Variants in CUL9 observed in about 807,000 individuals in gnomAD.
The protein encoded by CUL9 is cullin 9.
CUL9 carries 79 observed loss-of-function variants against 272.6 expected under a neutral mutation model. The observed-to-expected ratio is 0.29, with a 90% confidence interval of 0.24 to 0.35. The LOEUF (loss-of-function observed/expected upper bound fraction) is 0.35. Ranked by LOEUF, CUL9 falls within the 10% of genes least tolerant of loss-of-function variation. The pLI is 1.00. For missense variants in CUL9, 2,532 were observed against 3,255.6 expected (o/e 0.78, Z 5.41); for synonymous variants, 1,186 against 1,286.5 (o/e 0.92, Z 1.67).
intron 9 of CUL9, among the ~76,000 whole-genome samples, chr6:43,193,607 C>T (rs866581627): frequency 5.3e-5 from 8 of 151,962 alleles, no homozygotes; most frequent in Non-Finnish European, 8.8e-5. Flanking sequence ...AGTGCAGTGG[C>T]GCTATCTCGG....
At chr6:43,185,139 C>T (rs996462033) in intron 2 of CUL9, among the ~76,000 whole-genome samples, 4 of 152,256 alleles carry the variant, frequency 2.6e-5, no homozygotes, top group East Asian at 1.9e-4. Context: ...GAGAATAGGA[C>T]TTATCTGTAT....
At chr6:43,222,694 G>A in intron 37 of CUL9, 53 bp downstream of exon 37, 1 of 1,605,888 alleles carries the variant, frequency 6.2e-7, no homozygotes, top group Non-Finnish European at 8.5e-7. Context: ...AATGGGTCTG[G>A]GGGGCTTGGC....
chr6:43,204,703 C>A, intron 21 of CUL9, 45 bp from the exon 22 acceptor site: 1 of 1,606,770 alleles, frequency 6.2e-7, no homozygotes, highest in South Asian at 1.1e-5. Context: ...TGTACTCACC[C>A]AGAGGCTGAG....
chr6:43,206,037 T>C lies in CUL9; in HGVS notation c.4824T>C (p.Phe1608=), dbSNP rs566113971. 6.2e-7 allele frequency: 1 copy of C among 1,614,048 alleles called. No individual in the cohort carries two copies. The highest frequency in any genetic ancestry group is 1.1e-5 in the South Asian group (1 of 91,072). ...ATATGGCGGACCGTCTCCTGAGCTTTGGTTCGAGCTGGCTGGAGGGGGCTG... is the reference window on the plus strand; with the variant it reads ...ATATGGCGGACCGTCTCCTGAGCTTCGGTTCGAGCTGGCTGGAGGGGGCTG... ...QHYMADRLLS[F]GSSWLEGAVL... The change falls in exon 25 of 41, where the codon TTT becomes TTC. Residue 1608 remains phenylalanine, a synonymous_variant. Transcript: ENST00000252050. The surrounding 1 kb of genome is among the most constrained non-coding windows in gnomAD (Gnocchi z 4.8).
Position 43,215,317 on chromosome 6 carries a change from C to A in CUL9, c.5927C>A (p.Ser1976Tyr), listed in dbSNP as rs1775846390. ...TTCTGTGGCAGCCAGAGCGAAACCT[C>A]CAAGCCCAGGTAGCCACTGCACCTG... ...VPFCGSQSET[S>Y]KPSPEAVATL... The change falls in exon 30 of 41, where the codon TCC becomes TAC. Residue 1976 changes from serine to tyrosine, a missense_variant. Physicochemically the swap from Ser to Tyr is moderately radical, Grantham distance 144 (BLOSUM62 -2). Around this residue, in one of 3 missense-constraint regions of CUL9, gnomAD observed 2,218 missense variants for 2,788.6 expected, o/e 0.80. Coordinates refer to ENST00000252050, the MANE Select transcript of CUL9 (RefSeq NM_015089.4). 3 of 1,608,512 alleles carry A rather than the reference C, an allele frequency of 1.9e-6. No homozygotes were observed. The highest frequency in any genetic ancestry group is 1.7e-5 in the Admixed American group (1 of 59,876).
intron 31 of CUL9, among the ~76,000 whole-genome samples, chr6:43,216,861 C>T (rs1021685423): frequency 6.6e-6 from 1 of 152,178 alleles, no homozygotes; most frequent in Non-Finnish European, 1.5e-5. Flanking sequence ...AGCCTCCTCA[C>T]GGGATTCCCA....
chr6:43,203,553 T>C lies in CUL9; in HGVS notation c.3986T>C (p.Ile1329Thr), dbSNP rs745714829. ...CGGGCACAAGCCTGGAGCCGGGACA[T>C]AGCAGAGGACCACCGGCGCCTCCTC... ...TIRAQAWSRD[I>T]AEDHRRLLQL... The change falls in exon 19 of 41, where the codon ATA (isoleucine) becomes ACA (threonine). Residue 1329 changes from isoleucine to threonine, a missense_variant. Physicochemically the swap from Ile to Thr is moderately conservative, Grantham distance 89. Transcript: ENST00000252050. The surrounding 1 kb of genome is among the most constrained non-coding windows in gnomAD (Gnocchi z 5.0). 2.5e-6 allele frequency: 4 copies of C among 1,613,590 alleles called. No individual in the cohort carries two copies. In the East Asian group the frequency reaches 6.7e-5, roughly 27 times the overall value.
chr6:43,187,246 C>T lies in CUL9; in HGVS notation c.1388C>T (p.Ala463Val). Residue 463 changes from alanine (A) to valine (V), a missense_variant and splice_region_variant, in exon 6 of 41, where the codon GCA (alanine) becomes GTA (valine). This residue lies in a region of CUL9 where 2,218 missense variants were observed against 2,788.6 expected (regional missense o/e 0.80). Transcript: ENST00000252050. ...ATGCCCGCCATGCCTGTGTCCTCAGCATTTCCCTCCTGGGACTGGAATCCT... is the reference window on the plus strand; with the variant it reads ...ATGCCCGCCATGCCTGTGTCCTCAGTATTTCCCTCCTGGGACTGGAATCCT... ...KGAGATVLGT[A>V]FPSWDWNPMD... The T allele has an allele frequency of 1.2e-6, 2 of 1,613,680 alleles. No homozygotes were observed. Among genetic ancestry groups the T allele is most frequent in the Non-Finnish European group, 1.7e-6 (2 of 1,179,762 alleles).
In CUL9 at chr6:43,204,510, G is replaced by C. The variant is rs1445435424; in HGVS notation, c.4310G>C (p.Gly1437Ala). ...CTGGTGCATGTGGAACCTCCTCCTG[G>C]GCCTTCTCCTGAGCCATCCACTCGG... ...HLLVHVEPPP[G>A]PSPEPSTRPF... The change falls in exon 21 of 41, where the codon GGG (glycine) becomes GCG (alanine). Residue 1437 changes from glycine to alanine, a missense_variant. Transcript: ENST00000252050. 9 of 1,613,940 alleles carry C rather than the reference G, an allele frequency of 5.6e-6. No homozygotes were observed. The highest frequency in any genetic ancestry group is 5.9e-6 in the Non-Finnish European group (7 of 1,180,040).
chr6:43,211,154 G>A (rs1247535953), intron 26 of CUL9, among the ~76,000 whole-genome samples: 2 of 152,066 alleles, frequency 1.3e-5, no homozygotes, highest in East Asian at 1.9e-4. Context: ...TTCCAACATT[G>A]TCATTATTAT....
rs752125853 is a variant in CUL9, at chr6:43,206,154, C to G, written c.4941C>G (p.Phe1647Leu). The change falls in exon 25 of 41, where the codon TTC becomes TTG. Residue 1647 changes from phenylalanine (F) to leucine (L), a missense_variant. By Grantham distance (22) the Phe-to-Leu change is conservative. Around this residue, in one of 3 missense-constraint regions of CUL9, gnomAD observed 2,218 missense variants for 2,788.6 expected, o/e 0.80. Coordinates refer to ENST00000252050, the MANE Select transcript of CUL9 (RefSeq NM_015089.4). The surrounding 1 kb of genome is among the most constrained non-coding windows in gnomAD (Gnocchi z 4.8). ...LSTSEELQRQ[F>L]HLFQLQRLDK... Reference sequence around the variant, plus strand: ...CCTCTGAGGAGCTGCAGCGCCAGTTCCACCTCTTCCAGCTCCAGCGGCTCG... The same window carrying G: ...CCTCTGAGGAGCTGCAGCGCCAGTTGCACCTCTTCCAGCTCCAGCGGCTCG... 1 of 1,613,930 alleles carries G rather than the reference C, an allele frequency of 6.2e-7. No homozygotes were observed. Among genetic ancestry groups the G allele is most frequent in the African/African-American group, 1.3e-5 (1 of 74,914 alleles).
rs1775681123 is a variant in CUL9, at chr6:43,213,373, T to C, written c.5359-65T>C. 6.2e-7 allele frequency: 1 copy of C among 1,610,558 alleles called. No individual in the cohort carries two copies. Among genetic ancestry groups the C allele is most frequent in the Non-Finnish European group, 8.5e-7 (1 of 1,177,428 alleles). ...TTCTCCTCCTAAACCCTGTTCCTCC[T>C]TCATCCTTACTCCCCTCTTCCTTTT... On this transcript the variant is annotated intron_variant, in intron 27 of 40. Coordinates refer to ENST00000252050, the MANE Select transcript of CUL9 (RefSeq NM_015089.4). The surrounding 1 kb of genome is among the most constrained non-coding windows in gnomAD (Gnocchi z 5.7).
In CUL9 at chr6:43,221,277, T is replaced by A. The variant is rs775902826; in HGVS notation, c.6708T>A (p.Cys2236Ter). Residue 2236 changes from cysteine (C) to a stop codon, truncating the protein, a stop_gained, in exon 34 of 41, where the codon TGT becomes TGA. Coordinates refer to ENST00000252050, the MANE Select transcript of CUL9 (RefSeq NM_015089.4). LOFTEE classifies it high-confidence loss of function. The surrounding 1 kb of genome is among the most constrained non-coding windows in gnomAD (Gnocchi z 4.2). ...KHLAKLISKRCPSCQAPIEKN... is the reference protein window; with the variant it reads ...KHLAKLISKR ...TGGCCAAGCTCATCTCCAAGCGCTG[T>A]CCCAGCTGTCAGGCTCCCATCGAGA... The A allele has an allele frequency of 6.2e-7, 1 of 1,610,322 alleles. No homozygotes were observed. Among genetic ancestry groups the A allele is most frequent in the South Asian group, 1.1e-5 (1 of 90,984 alleles).
chr6:43,207,742 A>G (rs1333847795), intron 26 of CUL9, among the ~76,000 whole-genome samples: 1 of 152,018 alleles, frequency 6.6e-6, no homozygotes. Flanking sequence ...CATGGTTTCT[A>G]TGATTCTGAA....
chr6:43,222,451 A>AT, intron 36 of CUL9, 61 bp downstream of exon 36: 1 of 490,048 alleles, frequency 2.0e-6, no homozygotes, highest in South Asian at 1.8e-5. Context: ...GGTGGGGTGG[A>AT]GGGGGGTGGG....
In CUL9 at chr6:43,187,841, C is replaced by G; in HGVS notation, c.1710C>G (p.Thr570=). 1 of 1,613,984 alleles carries G rather than the reference C, an allele frequency of 6.2e-7. No individual in the cohort carries two copies. The highest frequency in any genetic ancestry group is 8.5e-7 in the Non-Finnish European group (1 of 1,179,984). ...LNDLLNSQIY[T]KYGLLSNEPS... Reference sequence around the variant, plus strand: ...ACCTGCTCAACTCCCAGATCTACACCAAGTATGGGCTGCTGTCTAATGAAC... The same window carrying G: ...ACCTGCTCAACTCCCAGATCTACACGAAGTATGGGCTGCTGTCTAATGAAC... The change falls in exon 7 of 41, where the codon ACC becomes ACG. Residue 570 remains threonine, a synonymous_variant. Coordinates refer to ENST00000252050, the MANE Select transcript of CUL9 (RefSeq NM_015089.4).
Position 43,203,831 on chromosome 6 carries a change from C to T in CUL9, c.4026-23C>T, listed in dbSNP as rs754642474. 27 of 1,578,918 alleles carry T rather than the reference C, an allele frequency of 1.7e-5. No homozygotes were observed. Among genetic ancestry groups the T allele is most frequent in the South Asian group, 3.4e-5 (3 of 87,326 alleles). ...TGGGAAATCGGTGCCATTAATCCTC[C>T]GCCATGCACTGTTTGTTCCCAGACT... On this transcript the variant is annotated intron_variant, in intron 19 of 40. Coordinates refer to ENST00000252050, the MANE Select transcript of CUL9 (RefSeq NM_015089.4). The surrounding 1 kb of genome is among the most constrained non-coding windows in gnomAD (Gnocchi z 5.0).
intron 26 of CUL9, among the ~76,000 whole-genome samples, chr6:43,210,102 C>G (rs1426786824): frequency 1.3e-5 from 2 of 152,144 alleles, no homozygotes; most frequent in Non-Finnish European, 2.9e-5. Context: ...CCTCAGCCTC[C>G]CGAGTAGCTG....
rs781308070 is a variant in CUL9 at position 43,188,069 on chromosome 6, G to A, written c.1938G>A (p.Leu646=). The change falls in exon 7 of 41, where the codon CTG becomes CTA. Residue 646 remains leucine, a synonymous_variant. Transcript: ENST00000252050. Reference sequence around the variant, plus strand: ...ATTCTCAGCTGTTTAACCAGCTTCTGGTGACTGAGGGGATGACCCTGCCCA... The same window carrying A: ...ATTCTCAGCTGTTTAACCAGCTTCTAGTGACTGAGGGGATGACCCTGCCCA... ...QSDSQLFNQL[L]VTEGMTLPTE... 3.1e-6 allele frequency: 5 copies of A among 1,613,842 alleles called. No individual in the cohort carries two copies. In the Admixed American group the frequency reaches 6.7e-5, roughly 22 times the overall value.
Sources: gnomAD v4.1 joint callset for allele counts (sites outside exome capture counted in the v4.1 genomes callset) on GRCh38, gnomAD v4.1.1 for gene constraint, gnomAD v4.1.1 regional missense constraint, Gnocchi (gnomAD v3.1) non-coding constraint, MANE v1.5 for transcripts, NCBI Gene and HGNC (gene_info 2026-07-23, HGNC 2026-07-21) for gene names.